ABCA13: variants seen among roughly 807,000 people sequenced by gnomAD.
ABCA13 encodes the protein ATP binding cassette subfamily A member 13.
Under a neutral mutation model 478.7 loss-of-function variants are expected in ABCA13, and 476 were observed. The observed-to-expected ratio is 0.99, with a 90% confidence interval of 0.92 to 1.07. The LOEUF (loss-of-function observed/expected upper bound fraction) is 1.07. Ranked by LOEUF, ABCA13 falls within the 50% of genes least tolerant of loss-of-function variation. ABCA13 has a pLI of 0.00. For missense variants in ABCA13, 6,060 were observed against 5,910.6 expected (o/e 1.03, Z -0.83); for synonymous variants, 2,252 against 2,158.9 (o/e 1.04, Z -1.20).
At chr7:48,599,648 G>C (rs145006035) in intron 58 of ABCA13, among the ~76,000 whole-genome samples, 3 of 152,242 alleles carry the variant, frequency 2.0e-5, no homozygotes, top group Admixed American at 6.5e-5. Context: ...TGAGTATTTG[G>C]TTTTGCAAGT....
intron 55 of ABCA13, among the ~76,000 whole-genome samples, chr7:48,579,211 GA>G (rs36001719): frequency 6.6e-6 from 1 of 152,066 alleles, no homozygotes; most frequent in Non-Finnish European, 1.5e-5. Flanking sequence ...CATAGACTGG[GA>G]AAAAATTTTG....
Position 48,239,317 on chromosome 7 carries a change from G to A in ABCA13, c.974G>A (p.Trp325Ter), listed in dbSNP as rs769646194. The A allele has an allele frequency of 6.2e-6, 10 of 1,613,952 alleles. No individual in the cohort carries two copies. The highest frequency in any genetic ancestry group is 1.1e-5 in the South Asian group (1 of 91,076). ...SSTSEDEAEKWGHVGGCHPKW... is the reference protein window; with the variant it reads ...SSTSEDEAEK The stretch of plus-strand genomic sequence containing the variant: ...ACATCAGAGGATGAAGCTGAGAAAT[G>A]GGGCCACGTTGGAGGCTGCCACCCT... The change falls in exon 9 of 62, where the codon TGG becomes TAG. Residue 325 changes from tryptophan (W) to a stop codon, truncating the protein, a stop_gained. Coordinates refer to ENST00000435803, the MANE Select transcript of ABCA13 (RefSeq NM_152701.5). LOFTEE classifies it high-confidence loss of function.
chr7:48,600,759 A>T (rs879469555), intron 58 of ABCA13, among the ~76,000 whole-genome samples: 1 of 152,148 alleles, frequency 6.6e-6, no homozygotes, highest in Admixed American at 6.5e-5. Context: ...GTTTCACTTT[A>T]TACACTTTTA....
At chr7:48,185,299 G>A (rs1318746751) in intron 1 of ABCA13, among the ~76,000 whole-genome samples, 1 of 152,162 alleles carries the variant, frequency 6.6e-6, no homozygotes, top group African/African-American at 2.4e-5. Flanking sequence ...ATAGCATGGT[G>A]TTTTAATTAC....
At chr7:48,491,860 A>G (rs774638462) in intron 48 of ABCA13, among the ~76,000 whole-genome samples, 20 of 152,316 alleles carry the variant, frequency 1.3e-4, no homozygotes, top group South Asian at 6.2e-4. Flanking sequence ...CCTTGCCCCA[A>G]TGTGGAACTT....
intron 59 of ABCA13, among the ~76,000 whole-genome samples, chr7:48,621,905 A>G (rs1421118524): frequency 6.6e-6 from 1 of 152,160 alleles, no homozygotes; most frequent in African/African-American, 2.4e-5. Context: ...AACTGCCCCA[A>G]TCCTGAGTCT....
At chr7:48,265,987 A>G (rs759908490) in intron 15 of ABCA13, among the ~76,000 whole-genome samples, 8 of 151,694 alleles carry the variant, frequency 5.3e-5, no homozygotes, top group Admixed American at 6.6e-5. Flanking sequence ...AGATTTGTCA[A>G]ATGTTTTTCT....
chr7:48,279,316 A>G lies in ABCA13; in HGVS notation c.8122A>G (p.Ile2708Val). The change falls in exon 18 of 62, where the codon ATA becomes GTA. Residue 2708 changes from isoleucine (I) to valine (V), a missense_variant. By Grantham distance (29) the Ile-to-Val change is conservative (BLOSUM62 3). Coordinates refer to ENST00000435803, the MANE Select transcript of ABCA13 (RefSeq NM_152701.5). ...TTCCACTCATAGTGGCCCTCAAGAT[A>G]TAAAATGGGAAATAATTCATGAAGT... is the stretch of plus-strand genomic sequence containing the variant. ...PISTHSGPQD[I>V]KWEIIHEVIP... 1 of 1,586,912 alleles carries G rather than the reference A, an allele frequency of 6.3e-7. No individual in the cohort carries two copies. Among genetic ancestry groups the G allele is most frequent in the African/African-American group, 1.3e-5 (1 of 74,658 alleles).
chr7:48,278,766 A>C lies in ABCA13; in HGVS notation c.7572A>C (p.Lys2524Asn), dbSNP rs756699688. 1.2e-6 allele frequency: 2 copies of C among 1,613,956 alleles called. No homozygotes were observed. Among genetic ancestry groups the C allele is most frequent in the African/African-American group, 2.7e-5 (2 of 75,040 alleles). Reference protein sequence around the residue: ...DLATSMDSIVKLLKLVKKVSG... With the variant: ...DLATSMDSIVNLLKLVKKVSG... ...CCACATCAATGGACTCCATTGTGAAACTTCTTAAGCTGGTCAAGAAAGTTT... is the reference window on the plus strand; with the variant it reads ...CCACATCAATGGACTCCATTGTGAACCTTCTTAAGCTGGTCAAGAAAGTTT... Residue 2524 changes from lysine to asparagine, a missense_variant, in exon 18 of 62, where the codon AAA becomes AAC. Physicochemically the swap from Lys to Asn is moderately conservative, Grantham distance 94 (BLOSUM62 0). Around this residue, in one of 3 missense-constraint regions of ABCA13, gnomAD observed 4,423 missense variants for 4,309.1 expected, o/e 1.03. Coordinates refer to ENST00000435803, the MANE Select transcript of ABCA13 (RefSeq NM_152701.5).
chr7:48,403,723 C>T lies in ABCA13; in HGVS notation c.11914C>T (p.Gln3972Ter), dbSNP rs749940299. 6.2e-7 allele frequency: 1 copy of T among 1,614,002 alleles called. No homozygotes were observed. Among genetic ancestry groups the T allele is most frequent in the Non-Finnish European group, 8.5e-7 (1 of 1,179,886 alleles). The change falls in exon 39 of 62, where the codon CAG becomes TAG. Residue 3972 changes from glutamine (Q) to a stop codon, truncating the protein, a stop_gained. Coordinates refer to ENST00000435803, the MANE Select transcript of ABCA13 (RefSeq NM_152701.5). LOFTEE classifies it high-confidence loss of function. ...GGACTTAACTCAGCATCAGCACAAA[C>T]AGACCCGAGCTCTGTCTGGAGGCCT... ...DVDLTQHQHK[Q>*]TRALSGGLKR...
chr7:48,175,661 G>T (rs74318432), intron 1 of ABCA13, among the ~76,000 whole-genome samples: 1 of 152,080 alleles, frequency 6.6e-6, no homozygotes, highest in African/African-American at 2.4e-5. Context: ...CCTCAGGGGA[G>T]CCACCCGCCT....
At chr7:48,179,177 A>G (rs1180278322) in intron 1 of ABCA13, among the ~76,000 whole-genome samples, 1 of 152,118 alleles carries the variant, frequency 6.6e-6, no homozygotes, top group African/African-American at 2.4e-5. Context: ...ACAACAAACA[A>G]CAACAAAACA....
intron 1 of ABCA13, among the ~76,000 whole-genome samples, chr7:48,174,846 T>C (rs1794626864): frequency 6.6e-6 from 1 of 152,248 alleles, no homozygotes; most frequent in South Asian, 2.1e-4. Context: ...AATGGTTTTA[T>C]TGAATAACAG....
chr7:48,411,053 C>CT (rs1412036128), intron 40 of ABCA13, among the ~76,000 whole-genome samples: 3 of 83,648 alleles, frequency 3.6e-5, no homozygotes, highest in African/African-American at 1.2e-4. Flanking sequence ...CTTTCTTTTT[C>CT]TTTCTTTCTT....
At chr7:48,566,112 G>A (rs1024175273) in intron 55 of ABCA13, among the ~76,000 whole-genome samples, 3 of 152,164 alleles carry the variant, frequency 2.0e-5, no homozygotes, top group African/African-American at 4.8e-5. Context: ...CTACTTTCAC[G>A]GTTTACAGAC....
chr7:48,565,828 T>C (rs1787000592), intron 55 of ABCA13, among the ~76,000 whole-genome samples: 1 of 152,080 alleles, frequency 6.6e-6, no homozygotes, highest in Non-Finnish European at 1.5e-5. Context: ...CTCAGGGCCT[T>C]CTCCTAACAA....
At chr7:48,596,896 T>A (rs1419600942) in intron 58 of ABCA13, among the ~76,000 whole-genome samples, 1 of 152,156 alleles carries the variant, frequency 6.6e-6, no homozygotes, top group East Asian at 1.9e-4. Flanking sequence ...ATATGGATAT[T>A]TCATTAACTG....
At chr7:48,480,639 A>T (rs1444714486) in intron 45 of ABCA13, among the ~76,000 whole-genome samples, 1 of 152,080 alleles carries the variant, frequency 6.6e-6, no homozygotes, top group Non-Finnish European at 1.5e-5. Context: ...TCTACTTTAG[A>T]CCCTTATGAA....
At chr7:48,256,701 G>A (rs1212337696) in intron 15 of ABCA13, among the ~76,000 whole-genome samples, 8 of 152,108 alleles carry the variant, frequency 5.3e-5, no homozygotes, top group Non-Finnish European at 1.0e-4. Flanking sequence ...CCAGTACCAT[G>A]TTGTTTTGGT....
Sources: allele counts gnomAD v4.1 joint callset (sites outside exome capture counted in the v4.1 genomes callset), GRCh38; gene constraint gnomAD v4.1.1; regional missense constraint gnomAD v4.1.1; transcripts MANE v1.5; gene names NCBI Gene and HGNC (gene_info 2026-07-23, HGNC 2026-07-21).